The following FSTL4 variants were observed in gnomAD, a reference collection of about 807,000 sequenced individuals.
The protein encoded by FSTL4 is follistatin-related protein 4.
A neutral mutation model predicts 78.2 loss-of-function variants in FSTL4; 28 were observed. That is an observed-to-expected ratio of 0.36 (90% confidence interval 0.27 to 0.49). The LOEUF is 0.49. Among genes scored for constraint, FSTL4 ranks in the 20% least tolerant of loss-of-function variants. FSTL4 has a pLI of 0.98. For synonymous variants in FSTL4, 422 were observed against 440.5 expected (o/e 0.96, Z 0.53); for missense variants, 922 against 1,084.9 (o/e 0.85, Z 2.11).
chr5:133,364,103 C>G (rs1204923776), intron 4 of FSTL4, among the ~76,000 whole-genome samples: 2 of 152,222 alleles, frequency 1.3e-5, no homozygotes, highest in Admixed American at 1.3e-4. Context: ...GCAGGACACG[C>G]CTGACATTCC....
At chr5:133,367,233 C>T (rs1221554196) in intron 4 of FSTL4, among the ~76,000 whole-genome samples, 1 of 152,180 alleles carries the variant, frequency 6.6e-6, no homozygotes, top group Non-Finnish European at 1.5e-5. Flanking sequence ...GGAATAAAGA[C>T]TCAAGTCAGC....
chr5:133,658,246 T>C, the FSTL4 span, among the ~76,000 whole-genome samples: 1 of 152,152 alleles, frequency 6.6e-6, no homozygotes, highest in Non-Finnish European at 1.5e-5. Flanking sequence ...TTCACTGTAT[T>C]GTTTTTATTC....
chr5:133,258,509 C>T (rs1325792182), intron 6 of FSTL4, among the ~76,000 whole-genome samples: 1 of 152,230 alleles, frequency 6.6e-6, no homozygotes, highest in East Asian at 1.9e-4. Context: ...GAAACTGAAA[C>T]ACTGGCTTCA....
chr5:133,428,226 T>C (rs1029326852), intron 3 of FSTL4, among the ~76,000 whole-genome samples: 1 of 152,210 alleles, frequency 6.6e-6, no homozygotes, highest in Non-Finnish European at 1.5e-5. Context: ...GGCAGGACTC[T>C]TGATCTATTT....
intron 2 of FSTL4, among the ~76,000 whole-genome samples, chr5:133,570,994 G>A (rs1321508643): frequency 6.6e-6 from 1 of 152,052 alleles, no homozygotes; most frequent in Non-Finnish European, 1.5e-5. Context: ...AAACCAGAAA[G>A]AAGTGAGCTC....
chr5:133,633,279 G>C, the FSTL4 span, among the ~76,000 whole-genome samples: 1 of 151,756 alleles, frequency 6.6e-6, no homozygotes, highest in African/African-American at 2.4e-5. Flanking sequence ...AATAACATAG[G>C]TCCCACAGGT....
chr5:133,636,184 G>A, the FSTL4 span, among the ~76,000 whole-genome samples: 3 of 152,190 alleles, frequency 2.0e-5, no homozygotes, highest in Non-Finnish European at 2.9e-5. Flanking sequence ...GCAAGACCAA[G>A]AATCAAAGAC....
chr5:133,448,753 G>A lies in FSTL4; in HGVS notation c.161-47767C>T, dbSNP rs1021482613. Among the ~76,000 whole-genome samples, 76 of 144,110 alleles carry A rather than the reference G, an allele frequency of 5.3e-4. 1 individual carries two copies. The highest frequency in any genetic ancestry group is 9.1e-4 in the Non-Finnish European group (60 of 65,976). The allele number at this position is 144,110 out of a possible 152,430, so 94.5% of individuals were successfully genotyped here. On this transcript the variant is annotated intron_variant, in intron 3 of 15. Coordinates refer to ENST00000265342, the MANE Select transcript of FSTL4 (RefSeq NM_015082.2). ...GGGTGCGGGGGCGGGGGGGGGGGGCGCTCAGAATTTTCCGCCTTTTGCGCA... is the reference window on the plus strand; with the variant it reads ...GGGTGCGGGGGCGGGGGGGGGGGGCACTCAGAATTTTCCGCCTTTTGCGCA...
chr5:133,800,306 T>TG, the FSTL4 span, among the ~76,000 whole-genome samples: 4 of 137,966 alleles, frequency 2.9e-5, 1 homozygote, highest in Admixed American at 7.5e-5. Flanking sequence ...CCAAGGCTGG[T>TG]GAGGCAGTCT....
chr5:133,322,043 T>A (rs1264776254), intron 4 of FSTL4, among the ~76,000 whole-genome samples: 2 of 152,234 alleles, frequency 1.3e-5, no homozygotes, highest in Non-Finnish European at 2.9e-5. Context: ...GCCTTTGTGG[T>A]AACCTTGGCT....
At chr5:133,803,881 T>C in the FSTL4 span, among the ~76,000 whole-genome samples, 1 of 152,118 alleles carries the variant, frequency 6.6e-6, no homozygotes, top group Non-Finnish European at 1.5e-5. Flanking sequence ...GAGGCGCTCA[T>C]GTGAGATTTG....
At chr5:133,279,791 T>C (rs554744759) in intron 6 of FSTL4, among the ~76,000 whole-genome samples, 2 of 152,326 alleles carry the variant, frequency 1.3e-5, no homozygotes, top group African/African-American at 4.8e-5. Flanking sequence ...TGTGACCTGA[T>C]TGGAAAATAG....
chr5:133,450,368 G>A (rs964463544), intron 3 of FSTL4, among the ~76,000 whole-genome samples: 17 of 152,216 alleles, frequency 1.1e-4, no homozygotes, highest in African/African-American at 3.9e-4. Flanking sequence ...GGAGCTGGGA[G>A]GCTCAGCCAG....
chr5:133,453,789 A>G (rs1348104646), intron 3 of FSTL4, among the ~76,000 whole-genome samples: 8 of 152,178 alleles, frequency 5.3e-5, no homozygotes, highest in Non-Finnish European at 1.0e-4. Flanking sequence ...AATCAGGAAG[A>G]GGGGGCCAGG....
the FSTL4 span, among the ~76,000 whole-genome samples, chr5:133,693,843 A>G: frequency 2.0e-5 from 3 of 152,166 alleles, no homozygotes; most frequent in African/African-American, 4.8e-5. Flanking sequence ...CCCAACTCCA[A>G]GGTAGTGGGG....
chr5:133,297,695 C>T (rs900376457), intron 6 of FSTL4, among the ~76,000 whole-genome samples: 1 of 152,210 alleles, frequency 6.6e-6, no homozygotes. Context: ...CTGACTGGCC[C>T]CAGCTCTCAC....
At chr5:133,216,978 T>G (rs1169486570) in intron 13 of FSTL4, among the ~76,000 whole-genome samples, 1 of 152,230 alleles carries the variant, frequency 6.6e-6, no homozygotes, top group Non-Finnish European at 1.5e-5. Flanking sequence ...TCCTTATTAC[T>G]TATAGTTCTC....
At chr5:133,531,017 G>A (rs1483670306) in intron 3 of FSTL4, among the ~76,000 whole-genome samples, 1 of 152,216 alleles carries the variant, frequency 6.6e-6, no homozygotes, top group African/African-American at 2.4e-5. Flanking sequence ...ACATCTAGAA[G>A]GTGGGACTGA....
chr5:133,226,049 G>GA (rs1450946744), intron 8 of FSTL4: 1 of 366,862 alleles, frequency 2.7e-6, no homozygotes, highest in African/African-American at 2.1e-5. Context: ...TATGACTCAT[G>GA]GCTTTCATCA....
Sources: gnomAD v4.1 joint callset for allele counts (sites outside exome capture counted in the v4.1 genomes callset) on GRCh38, gnomAD v4.1.1 for gene constraint, MANE v1.5 for transcripts, NCBI Gene and HGNC (gene_info 2026-07-23, HGNC 2026-07-21) for gene names.